RYR2: variants seen among roughly 807,000 people sequenced by gnomAD.
The protein encoded by RYR2 is ryanodine receptor 2, also known as cardiac muscle ryanodine receptor-calcium release channel.
In RYR2, 227 loss-of-function variants were observed where a neutral mutation model predicts 601.1. That is an observed-to-expected ratio of 0.38 (90% confidence interval 0.34 to 0.42). The LOEUF (loss-of-function observed/expected upper bound fraction) is 0.42. RYR2 is among the 10% of genes least tolerant of loss of function. The probability of loss-of-function intolerance (pLI) is 1.00; values close to 1 mark genes in which losing one functional copy is unlikely to be tolerated. For synonymous variants in RYR2, 2,223 were observed against 2,175.1 expected (o/e 1.02, Z -0.61); for missense variants, 4,646 against 6,156.5 (o/e 0.75, Z 8.21).
intron 30 of RYR2, among the ~76,000 whole-genome samples, 200 bp from the exon 31 acceptor site, chr1:237,590,440 C>T (rs1345998888): frequency 1.3e-5 from 2 of 152,168 alleles, no homozygotes; most frequent in African/African-American, 4.8e-5. Flanking sequence ...GATAAATTTC[C>T]GAAACCGTCT....
chr1:237,642,958 G>A (rs1234727784), intron 47 of RYR2, among the ~76,000 whole-genome samples: 2 of 152,094 alleles, frequency 1.3e-5, no homozygotes, highest in African/African-American at 4.8e-5. Context: ...AATTTTCTTT[G>A]TATTATTGCT....
At position 237,606,573 on chromosome 1, in the gene RYR2, C is replaced by T. The variant is rs529711020; in HGVS notation, c.4684-4189C>T. Among the ~76,000 whole-genome samples, 9 of 152,268 alleles carry T rather than the reference C, an allele frequency of 5.9e-5. No individual in the cohort carries two copies. In the South Asian group the frequency reaches 1.2e-3, roughly 21 times the overall value. On this transcript the variant is annotated intron_variant, in intron 35 of 104. Coordinates refer to ENST00000366574, the MANE Select transcript of RYR2 (RefSeq NM_001035.3). The stretch of plus-strand genomic sequence containing the variant: ...AAAAACTAAAATTGACAAATGGGAT[C>T]TAATTAAACTAAAGAGCTTCTGCAC...
chr1:237,500,996 C>A, intron 21 of RYR2, 93 bp downstream of exon 21: 2 of 1,213,488 alleles, frequency 1.6e-6, no homozygotes, highest in Non-Finnish European at 1.2e-6. Context: ...CTTCTCTAAC[C>A]ATTGTTTGTC....
Position 237,723,117 on chromosome 1 carries a change from T to C in RYR2, c.10555-11T>C. On this transcript the variant is annotated splice_polypyrimidine_tract_variant and intron_variant, in intron 73 of 104. Coordinates refer to ENST00000366574, the MANE Select transcript of RYR2 (RefSeq NM_001035.3). ...CATCTTCCCATTGTAACCTTTTCCTTTTTTCTGCAGTTGGAGGATCCTGCT... is the reference window on the plus strand; with the variant it reads ...CATCTTCCCATTGTAACCTTTTCCTCTTTTCTGCAGTTGGAGGATCCTGCT... The C allele has an allele frequency of 6.2e-7, 1 of 1,600,944 alleles. No homozygotes were observed. The highest frequency in any genetic ancestry group is 8.5e-7 in the Non-Finnish European group (1 of 1,175,556).
chr1:237,307,549 C>T (rs1572544918), intron 2 of RYR2, among the ~76,000 whole-genome samples: 3 of 152,204 alleles, frequency 2.0e-5, no homozygotes, highest in Admixed American at 6.5e-5. Context: ...TACATATATT[C>T]ATTGGCTTAT....
At chr1:237,480,378 CAAAAAAAAAAAAAA>C (rs61271895) in intron 17 of RYR2, among the ~76,000 whole-genome samples, 29 of 57,698 alleles carry the variant, frequency 5.0e-4, no homozygotes, top group African/African-American at 1.5e-3. Flanking sequence ...AAGATCATCT[CAAAAAAAAAAAAAA>C]AAAAAAAAGA....
intron 4 of RYR2, among the ~76,000 whole-genome samples, chr1:237,358,082 C>T (rs1001291437): frequency 1.3e-5 from 2 of 152,142 alleles, no homozygotes; most frequent in African/African-American, 4.8e-5. Context: ...ATTTAACCCT[C>T]TACCCACCTA....
At position 237,548,595 on chromosome 1, in the gene RYR2, A is replaced by G. The variant is rs1346060761; in HGVS notation, c.3066+5A>G. The G allele has an allele frequency of 9.3e-6, 15 of 1,613,302 alleles. No homozygotes were observed. The highest frequency in any genetic ancestry group is 1.2e-5 in the Non-Finnish European group (14 of 1,179,546). ...TGGACTTATGGCATCCAACAGGTAC[A>G]TGGGAATTAGCATTTGGTCTGAGAC... On this transcript the variant is annotated splice_donor_5th_base_variant and intron_variant, in intron 26 of 104. Transcript: ENST00000366574.
chr1:237,746,399 A>G (rs955507646), intron 80 of RYR2, among the ~76,000 whole-genome samples: 1 of 152,146 alleles, frequency 6.6e-6, no homozygotes, highest in African/African-American at 2.4e-5. Flanking sequence ...CCATAAAGTC[A>G]TTGAGAAGAG....
chr1:237,573,868 C>G (rs1280531578), intron 29 of RYR2, among the ~76,000 whole-genome samples: 3 of 151,896 alleles, frequency 2.0e-5, no homozygotes, highest in Admixed American at 1.3e-4. Flanking sequence ...GGCTGCAGAC[C>G]TCTTCCTCAA....
At chr1:237,111,084 G>A (rs892408182) in intron 1 of RYR2, among the ~76,000 whole-genome samples, 3 of 152,182 alleles carry the variant, frequency 2.0e-5, no homozygotes, top group Non-Finnish European at 2.9e-5. Flanking sequence ...TTGTGAGGAT[G>A]CTTCGAGGTT....
chr1:237,743,592 T>C, intron 80 of RYR2: 1 of 518,838 alleles, frequency 1.9e-6, no homozygotes, highest in Non-Finnish European at 3.8e-6. Flanking sequence ...TCCTCATCCT[T>C]CCTTAAGGTC....
At chr1:237,803,871 G>T (rs1660299106) in intron 98 of RYR2, among the ~76,000 whole-genome samples, 1 of 151,898 alleles carries the variant, frequency 6.6e-6, no homozygotes, top group Non-Finnish European at 1.5e-5. Flanking sequence ...TACCACTTTT[G>T]CTGCTTTTTT....
At chr1:237,116,558 C>A in intron 1 of RYR2, among the ~76,000 whole-genome samples, 1 of 152,238 alleles carries the variant, frequency 6.6e-6, no homozygotes, top group South Asian at 2.1e-4. Context: ...TATACATACA[C>A]ATACACATAT....
chr1:237,783,828 G>T lies in RYR2; in HGVS notation c.12116G>T (p.Gly4039Val), dbSNP rs749706996. The change falls in exon 90 of 105, where the codon GGC becomes GTC. Residue 4039 changes from glycine (G) to valine (V), a missense_variant. Coordinates refer to ENST00000366574, the MANE Select transcript of RYR2 (RefSeq NM_001035.3). ...ACTTTTAAAGAATATGACCCCGATG[G>T]CAAGGGAGTCATTTCCAAGAGGGAC... ...SDTFKEYDPDGKGVISKRDFH... is the reference protein window; with the variant it reads ...SDTFKEYDPDVKGVISKRDFH... 9.9e-6 allele frequency: 16 copies of T among 1,613,824 alleles called. No homozygotes were observed. Among genetic ancestry groups the T allele is most frequent in the Non-Finnish European group, 1.3e-5 (15 of 1,179,844 alleles).
chr1:237,158,692 T>C (rs1675664448), intron 1 of RYR2, among the ~76,000 whole-genome samples: 1 of 152,160 alleles, frequency 6.6e-6, no homozygotes, highest in African/African-American at 2.4e-5. Flanking sequence ...GTCTGTGAGC[T>C]CCTTTAGGGC....
intron 1 of RYR2, among the ~76,000 whole-genome samples, chr1:237,073,725 G>T (rs1664661188): frequency 6.6e-6 from 1 of 152,008 alleles, no homozygotes; most frequent in Non-Finnish European, 1.5e-5. Flanking sequence ...AAAAAAATTA[G>T]CTGGGTGTTG....
At chr1:237,605,436 G>A (rs1251824714) in intron 35 of RYR2, among the ~76,000 whole-genome samples, 1 of 152,126 alleles carries the variant, frequency 6.6e-6, no homozygotes, top group Non-Finnish European at 1.5e-5. Context: ...ATTAATAAGA[G>A]CTATTTATGA....
chr1:237,329,348 A>T (rs1263013032), intron 2 of RYR2, among the ~76,000 whole-genome samples: 1 of 151,672 alleles, frequency 6.6e-6, no homozygotes, highest in Non-Finnish European at 1.5e-5. Context: ...TTTTATATTT[A>T]AAAAAAATTA....
Sources: allele counts gnomAD v4.1 joint callset (sites outside exome capture counted in the v4.1 genomes callset), GRCh38; gene constraint gnomAD v4.1.1; transcripts MANE v1.5; gene names NCBI Gene and HGNC (gene_info 2026-07-23, HGNC 2026-07-21).